Variants in DOP1B observed in about 807,000 individuals in gnomAD.
DOP1B encodes protein DOP1B.
DOP1B carries 174 observed loss-of-function variants against 233.5 expected under a neutral mutation model. The observed-to-expected ratio is 0.75, with a 90% CI of 0.66 to 0.85. The LOEUF (loss-of-function observed/expected upper bound fraction) is 0.85, where lower values mean the gene tolerates loss of function less well. Ranked by LOEUF, DOP1B falls within the 40% of genes least tolerant of loss-of-function variation. DOP1B has a pLI of 0.00. For missense variants in DOP1B, 2,652 were observed against 2,846.6 expected, an observed-to-expected ratio of 0.93 and a Z score of 1.56; for synonymous variants, 1,190 against 1,185.6, an observed-to-expected ratio of 1.00 and a Z score of -0.08.
At chr21:36,288,555 A>G (rs1375819664) in intron 33 of DOP1B, among the ~76,000 whole-genome samples, 2 of 152,162 alleles carry the variant, frequency 1.3e-5, no homozygotes, top group East Asian at 1.9e-4. Context: ...TTAATTCGGC[A>G]TGGCGGGAAG....
intron 15 of DOP1B, 128 bp downstream of exon 15, chr21:36,233,203 A>G (rs1236009224): frequency 8.2e-7 from 1 of 1,222,042 alleles, no homozygotes. Flanking sequence ...GGCACTGGGC[A>G]GAGGCAGTAG....
chr21:36,244,378 C>T (rs2066929805), intron 18 of DOP1B, among the ~76,000 whole-genome samples: 1 of 152,044 alleles, frequency 6.6e-6, no homozygotes, highest in South Asian at 2.1e-4. Context: ...TATCCACATC[C>T]TTATGGCTTT....
chr21:36,259,438 T>C (rs895341794), intron 23 of DOP1B, among the ~76,000 whole-genome samples: 2 of 152,076 alleles, frequency 1.3e-5, no homozygotes, highest in African/African-American at 2.4e-5. Context: ...GCCCAGTTAA[T>C]TTTTTTGTAT....
chr21:36,251,320 A>T, intron 22 of DOP1B, 36 bp downstream of exon 22: 1 of 1,590,048 alleles, frequency 6.3e-7, no homozygotes, highest in Non-Finnish European at 8.5e-7. Flanking sequence ...GGTTAAACTT[A>T]CTGTGACAAA....
At chr21:36,218,217 C>T (rs1409399401) in intron 9 of DOP1B, among the ~76,000 whole-genome samples, 2 of 152,188 alleles carry the variant, frequency 1.3e-5, no homozygotes, top group African/African-American at 4.8e-5. Flanking sequence ...ATTTAGCATT[C>T]TTATGCTGTA....
At chr21:36,269,908 AC>A in intron 26 of DOP1B, 104 bp from the exon 27 acceptor site, 1 of 1,202,662 alleles carries the variant, frequency 8.3e-7, no homozygotes, top group Admixed American at 2.0e-5. Flanking sequence ...GTATATGCTC[AC>A]AGCTGTGGCC....
chr21:36,275,476 A>T (rs940851516), intron 27 of DOP1B, among the ~76,000 whole-genome samples: 3 of 152,048 alleles, frequency 2.0e-5, no homozygotes, highest in African/African-American at 7.2e-5. Context: ...CAAAAATTAC[A>T]GCCTGTAGTA....
chr21:36,223,419 T>C, intron 11 of DOP1B, 69 bp downstream of exon 11: 1 of 1,558,972 alleles, frequency 6.4e-7, no homozygotes, highest in Non-Finnish European at 8.6e-7. Context: ...TTGTAGCTGC[T>C]TAGAATATCA....
intron 2 of DOP1B, among the ~76,000 whole-genome samples, chr21:36,178,789 C>G (rs2066061716): frequency 6.6e-6 from 1 of 152,190 alleles, no homozygotes; most frequent in Admixed American, 6.5e-5. Context: ...TAGTCTTTTC[C>G]TTTTAAATTT....
At chr21:36,199,403 C>T (rs563180465) in intron 3 of DOP1B, 152 bp downstream of exon 3, 7 of 955,064 alleles carry the variant, frequency 7.3e-6, no homozygotes, top group South Asian at 4.2e-5. Flanking sequence ...CGTCACTGGG[C>T]GCCTTCTGGA....
chr21:36,189,063 C>A (rs953762865), intron 2 of DOP1B, among the ~76,000 whole-genome samples: 1 of 152,134 alleles, frequency 6.6e-6, no homozygotes, highest in Non-Finnish European at 1.5e-5. Flanking sequence ...AATTTTTCAT[C>A]GTGTTCCCTA....
In DOP1B at chr21:36,280,322, A is replaced by G. The variant is rs752675558; in HGVS notation, c.6007A>G (p.Lys2003Glu). ...TATTGACCATCTTTTGACTCATGAG[A>G]AAACAATGTTTAAGGATTTAATGAG... ...SIIDHLLTHE[K>E]TMFKDLMNMQ... The change falls in exon 31 of 37, where the codon AAA becomes GAA. Residue 2003 changes from lysine (K) to glutamate (E), a missense_variant. By Grantham distance (56) the Lys-to-Glu change is moderately conservative (BLOSUM62 1). Coordinates refer to ENST00000691173, the MANE Select transcript of DOP1B (RefSeq NM_001320714.2). 5 of 1,610,374 alleles carry G rather than the reference A, an allele frequency of 3.1e-6. No individual in the cohort carries two copies. Among genetic ancestry groups the G allele is most frequent in the Non-Finnish European group, 4.2e-6 (5 of 1,177,868 alleles).
chr21:36,159,382 C>T (rs6517332), intron 1 of DOP1B, among the ~76,000 whole-genome samples: 125,770 of 151,846 alleles, frequency 0.83, 52,262 homozygotes, highest in Non-Finnish European at 0.87. Context: ...ACTCAGGAGG[C>T]GGAGGTTGTG....
Position 36,212,056 on chromosome 21 carries a change from G to A in DOP1B, c.863G>A (p.Arg288Lys). 1.9e-6 allele frequency: 3 copies of A among 1,613,860 alleles called. No individual in the cohort carries two copies. Among genetic ancestry groups the A allele is most frequent in the Non-Finnish European group, 2.5e-6 (3 of 1,179,946 alleles). Reference sequence around the variant, plus strand: ...GCCGCCACCCAGACCCTACTGAGAAGGGACATGTCCCTGAACAGAAGACTG... The same window carrying A: ...GCCGCCACCCAGACCCTACTGAGAAAGGACATGTCCCTGAACAGAAGACTG... ...LSAATQTLLRRDMSLNRRLYA... is the reference protein window; with the variant it reads ...LSAATQTLLRKDMSLNRRLYA... The change falls in exon 7 of 37, where the codon AGG becomes AAG. Residue 288 changes from arginine to lysine, a missense_variant. Around this residue, in one of 3 missense-constraint regions of DOP1B, gnomAD observed 2,617 missense variants for 2,794.3 expected, o/e 0.94. Coordinates refer to ENST00000691173, the MANE Select transcript of DOP1B (RefSeq NM_001320714.2).
intron 35 of DOP1B, among the ~76,000 whole-genome samples, chr21:36,290,299 T>C (rs937518565): frequency 6.6e-6 from 1 of 151,904 alleles, no homozygotes; most frequent in African/African-American, 2.4e-5. Flanking sequence ...CTGAGGCGGG[T>C]GGATCACCTG....
At chr21:36,252,493 T>C (rs1187760662) in intron 22 of DOP1B, among the ~76,000 whole-genome samples, 1 of 149,584 alleles carries the variant, frequency 6.7e-6, no homozygotes, top group East Asian at 1.9e-4. Context: ...CATTTGTCCA[T>C]GATAATAAAG....
At chr21:36,231,679 GTTT>G (rs1224600446) in intron 14 of DOP1B, among the ~76,000 whole-genome samples, 3 of 131,914 alleles carry the variant, frequency 2.3e-5, no homozygotes, top group Non-Finnish European at 3.3e-5. Context: ...GGGTTTTTTT[GTTT>G]TTTTTTTTTT....
chr21:36,199,657 A>G (rs1049057233), intron 3 of DOP1B, among the ~76,000 whole-genome samples: 5 of 151,916 alleles, frequency 3.3e-5, no homozygotes, highest in Non-Finnish European at 5.9e-5. Flanking sequence ...TCATTGTTCA[A>G]TCCCCACCTA....
chr21:36,202,097 G>T (rs184201814), intron 4 of DOP1B, among the ~76,000 whole-genome samples: 27 of 152,240 alleles, frequency 1.8e-4, no homozygotes, highest in African/African-American at 6.5e-4. Context: ...TGAGGCAGGG[G>T]AATAGCTTGA....
Sources: allele counts gnomAD v4.1 joint callset (sites outside exome capture counted in the v4.1 genomes callset), GRCh38; gene constraint gnomAD v4.1.1; regional missense constraint gnomAD v4.1.1; transcripts MANE v1.5; gene names NCBI Gene and HGNC (gene_info 2026-07-23, HGNC 2026-07-21).